Variants in ASPH observed in about 807,000 individuals in gnomAD.
ASPH encodes aspartyl/asparaginyl beta-hydroxylase.
Under a neutral mutation model 118.4 loss-of-function variants are expected in ASPH, and 100 were observed. That is an observed-to-expected ratio of 0.84 (90% CI 0.72 to 1.00). The LOEUF is 1.00. ASPH is among the 50% of genes least tolerant of loss of function. The pLI is 0.00. For missense variants in ASPH, 920 were observed against 919.5 expected (o/e 1.00, Z -0.01); for synonymous variants, 315 against 325.6 (o/e 0.97, Z 0.35).
At chr8:61,700,644 T>A (rs1835027547) in intron 1 of ASPH, among the ~76,000 whole-genome samples, 1 of 152,190 alleles carries the variant, frequency 6.6e-6, no homozygotes, top group Admixed American at 6.5e-5. Context: ...CCCACAAAAA[T>A]GGCTATTTCA....
At chr8:61,649,989 A>C (rs1167912009) in intron 5 of ASPH, among the ~76,000 whole-genome samples, 1 of 151,856 alleles carries the variant, frequency 6.6e-6, no homozygotes, top group Non-Finnish European at 1.5e-5. Context: ...TGCTTAAAAC[A>C]CTCACCACCA....
intron 14 of ASPH, among the ~76,000 whole-genome samples, chr8:61,616,774 C>T (rs576870335): frequency 1.6e-4 from 24 of 152,312 alleles, no homozygotes; most frequent in African/African-American, 5.8e-4. Flanking sequence ...TTCACCACCC[C>T]TTCTGCCTAC....
chr8:61,509,169 A>C (rs965296769), intron 24 of ASPH, among the ~76,000 whole-genome samples: 52 of 152,158 alleles, frequency 3.4e-4, no homozygotes, highest in Non-Finnish European at 4.4e-5. Context: ...GTGTTACTGG[A>C]AAGGAGCCCT....
rs1018147776 is a variant in ASPH at position 61,598,931 on chromosome 8, A to T, written c.977-14902T>A. ...TGAAAAAATTAAGAAGGAAATTTTT[A>T]AAAAACTACTTGAAGCAATCAAAAT... On this transcript the variant is annotated intron_variant, in intron 14 of 24. Transcript: ENST00000379454. 4.1e-4 allele frequency among the ~76,000 whole-genome samples: 63 copies of T among 152,354 alleles called. 1 individual carries two copies. Among genetic ancestry groups the T allele is most frequent in the African/African-American group, 1.4e-3 (59 of 41,586 alleles).
chr8:61,536,240 C>T (rs933283788), intron 21 of ASPH, among the ~76,000 whole-genome samples: 10 of 152,054 alleles, frequency 6.6e-5, no homozygotes, highest in African/African-American at 2.2e-4. Context: ...GGGGTTTCAC[C>T]ATGTTAGCCA....
intron 3 of ASPH, chr8:61,668,184 C>A: frequency 6.6e-7 from 1 of 1,517,542 alleles, no homozygotes; most frequent in South Asian, 1.2e-5. Context: ...CATGCATTTT[C>A]AAACATTAAA....
At position 61,538,606 on chromosome 8, in the gene ASPH, T is replaced by C. The variant is rs186746635; in HGVS notation, c.1764+9465A>G. ...CTAATTTAGTGCTGTGTAAGTCTTA[T>C]TTTTGTCTAGGCGAAGTCATTCATA... On this transcript the variant is annotated intron_variant, in intron 21 of 24. Transcript: ENST00000379454. Among the ~76,000 whole-genome samples, 3 of 152,346 alleles carry C rather than the reference T, an allele frequency of 2.0e-5. No individual in the cohort carries two copies. The East Asian group carries it at 5.8e-4, about 29-fold the overall frequency.
At chr8:61,522,523 C>A (rs1205646135) in intron 22 of ASPH, among the ~76,000 whole-genome samples, 4 of 152,116 alleles carry the variant, frequency 2.6e-5, no homozygotes, top group Non-Finnish European at 5.9e-5. Flanking sequence ...TCCCATAATC[C>A]CCATGTGTCA....
intron 1 of ASPH, among the ~76,000 whole-genome samples, chr8:61,689,192 GT>G (rs1831769659): frequency 1.3e-5 from 2 of 152,022 alleles, no homozygotes; most frequent in African/African-American, 4.8e-5. Flanking sequence ...AAACCCTTGT[GT>G]TTTTTCTTTG....
intron 10 of ASPH, among the ~76,000 whole-genome samples, chr8:61,639,119 C>A (rs1235861703): frequency 6.6e-6 from 1 of 152,148 alleles, no homozygotes; most frequent in East Asian, 1.9e-4. Flanking sequence ...CCTTTTGGGG[C>A]ATTTGAAAGA....
At chr8:61,534,906 G>A (rs1330541921) in intron 21 of ASPH, among the ~76,000 whole-genome samples, 2 of 152,218 alleles carry the variant, frequency 1.3e-5, no homozygotes, top group South Asian at 2.1e-4. Flanking sequence ...GAGGCTAGAA[G>A]TTCAAGACCA....
chr8:61,530,906 C>T (rs753363305), intron 21 of ASPH, among the ~76,000 whole-genome samples: 11 of 152,168 alleles, frequency 7.2e-5, no homozygotes, highest in Non-Finnish European at 1.6e-4. Flanking sequence ...GGCATTATCA[C>T]TCATCTATTA....
intron 24 of ASPH, among the ~76,000 whole-genome samples, chr8:61,506,608 T>A (rs1336846263): frequency 3.3e-5 from 5 of 152,196 alleles, no homozygotes; most frequent in African/African-American, 4.8e-5. Context: ...CCTCTTGACC[T>A]TGGCATTTAT....
intron 1 of ASPH, among the ~76,000 whole-genome samples, chr8:61,689,283 A>G (rs1831808969): frequency 6.6e-6 from 1 of 152,152 alleles, no homozygotes; most frequent in Non-Finnish European, 1.5e-5. Flanking sequence ...AAGTCTGTTC[A>G]TTAATATGAG....
At chr8:61,582,273 C>T (rs939309229) in intron 15 of ASPH, among the ~76,000 whole-genome samples, 38 of 152,180 alleles carry the variant, frequency 2.5e-4, no homozygotes, top group Admixed American at 7.2e-4. Context: ...CATAACTGAG[C>T]CCTCCTTTAT....
chr8:61,511,871 T>C (rs1382290876), intron 24 of ASPH, among the ~76,000 whole-genome samples: 7 of 152,160 alleles, frequency 4.6e-5, no homozygotes, highest in African/African-American at 1.7e-4. Context: ...CCCAAAGTAC[T>C]GGGATTACAG....
At chr8:61,558,535 C>G (rs1441621688) in intron 18 of ASPH, among the ~76,000 whole-genome samples, 1 of 152,126 alleles carries the variant, frequency 6.6e-6, no homozygotes, top group African/African-American at 2.4e-5. Flanking sequence ...ATCTGTCTCT[C>G]AAATAGTGTG....
chr8:61,686,332 G>A (rs1830516999), intron 1 of ASPH, among the ~76,000 whole-genome samples: 1 of 152,180 alleles, frequency 6.6e-6, no homozygotes, highest in Non-Finnish European at 1.5e-5. Flanking sequence ...AAGATTGGGT[G>A]AGAATGTCTG....
chr8:61,693,263 T>C (rs910865085), intron 1 of ASPH, among the ~76,000 whole-genome samples: 1 of 152,220 alleles, frequency 6.6e-6, no homozygotes, highest in African/African-American at 2.4e-5. Flanking sequence ...ATTCTTACCA[T>C]GGACCTCATC....
Sources: gnomAD v4.1 joint callset for allele counts (sites outside exome capture counted in the v4.1 genomes callset) on GRCh38, gnomAD v4.1.1 for gene constraint, MANE v1.5 for transcripts, NCBI Gene and HGNC (gene_info 2026-07-23, HGNC 2026-07-21) for gene names.